GALNTL6: variants seen among roughly 807,000 people sequenced by gnomAD.
The protein encoded by GALNTL6 is polypeptide N-acetylgalactosaminyltransferase-like 6.
Under a neutral mutation model 73.7 loss-of-function variants are expected in GALNTL6, and 46 were observed. The observed-to-expected ratio is 0.62, with a 90% CI of 0.49 to 0.80. The LOEUF (loss-of-function observed/expected upper bound fraction) is 0.80. Ranked by LOEUF, GALNTL6 falls within the 30% of genes least tolerant of loss-of-function variation. The pLI is 0.00. For synonymous variants in GALNTL6, 259 were observed against 263.7 expected, an observed-to-expected ratio of 0.98 and a Z score of 0.17; for missense variants, 604 against 755.0, an observed-to-expected ratio of 0.80 and a Z score of 2.34.
At chr4:171,920,187 C>T (rs1737744301) in intron 2 of GALNTL6, among the ~76,000 whole-genome samples, 1 of 151,644 alleles carries the variant, frequency 6.6e-6, no homozygotes, top group African/African-American at 2.4e-5. Flanking sequence ...AATGAGAACA[C>T]ATGGACACAG....
In GALNTL6 at chr4:171,931,167, T is replaced by C. The variant is rs1384600872; in HGVS notation, c.138+116449T>C. ...TACACCTTGCCATTTAACAGTGTCT[T>C]ACACTTTTATTTCATTAGTAGTATT... On this transcript the variant is annotated intron_variant, in intron 2 of 12. Transcript: ENST00000506823. Among the ~76,000 whole-genome samples the C allele has an allele frequency of 3.9e-5, 6 of 152,202 alleles. No individual in the cohort carries two copies. The East Asian group carries it at 1.2e-3, about 29-fold the overall frequency.
Position 172,036,234 on chromosome 4 carries a change from A to T in GALNTL6, c.139-193422A>T, listed in dbSNP as rs151221831. 1.2e-4 allele frequency among the ~76,000 whole-genome samples: 18 copies of T among 152,200 alleles called. No individual in the cohort carries two copies. The East Asian group carries it at 3.5e-3, about 29-fold the overall frequency. On this transcript the variant is annotated intron_variant, in intron 2 of 12. Coordinates refer to ENST00000506823, the MANE Select transcript of GALNTL6 (RefSeq NM_001034845.3). ...AGTTTATAGAAAAAAAATGCAGGCT[A>T]TTTCTTTAACCCAAAGGTTTGGATT...
intron 5 of GALNTL6, among the ~76,000 whole-genome samples, chr4:172,439,632 G>A (rs539470252): frequency 3.3e-5 from 5 of 151,736 alleles, no homozygotes; most frequent in African/African-American, 1.2e-4. Flanking sequence ...AAATTTTTAT[G>A]TTCAACCCTG....
intron 5 of GALNTL6, among the ~76,000 whole-genome samples, chr4:172,794,905 T>C (rs1740183531): frequency 6.6e-6 from 1 of 152,220 alleles, no homozygotes; most frequent in African/African-American, 2.4e-5. Context: ...GGAAGAATAA[T>C]CTGAAACAAA....
At chr4:172,375,193 GT>G (rs1488778660) in intron 5 of GALNTL6, among the ~76,000 whole-genome samples, 2 of 152,130 alleles carry the variant, frequency 1.3e-5, no homozygotes, top group East Asian at 3.9e-4. Context: ...GCATAGTTGT[GT>G]ATTCTCCCTC....
chr4:172,818,848 T>C (rs1384306995), intron 7 of GALNTL6, among the ~76,000 whole-genome samples: 1 of 152,168 alleles, frequency 6.6e-6, no homozygotes, highest in East Asian at 1.9e-4. Flanking sequence ...CTGCCCGCCT[T>C]AGCCTCCCAA....
chr4:172,363,262 T>A (rs1742439117), intron 5 of GALNTL6, among the ~76,000 whole-genome samples: 1 of 152,176 alleles, frequency 6.6e-6, no homozygotes, highest in African/African-American at 2.4e-5. Context: ...GTTCCCTTCT[T>A]TCTGTGTTTT....
chr4:172,412,738 T>G, intron 5 of GALNTL6, among the ~76,000 whole-genome samples: 1 of 152,196 alleles, frequency 6.6e-6, no homozygotes, highest in East Asian at 1.9e-4. Flanking sequence ...CTTATGATTC[T>G]TAGAGACATC....
chr4:172,540,279 A>G (rs1264520264), intron 5 of GALNTL6, among the ~76,000 whole-genome samples: 1 of 151,742 alleles, frequency 6.6e-6, no homozygotes, highest in East Asian at 1.9e-4. Flanking sequence ...TGACCTCATT[A>G]TCCGCCCACC....
At chr4:172,001,458 T>C (rs1740669259) in intron 2 of GALNTL6, among the ~76,000 whole-genome samples, 1 of 152,110 alleles carries the variant, frequency 6.6e-6, no homozygotes, top group African/African-American at 2.4e-5. Context: ...CATGATAAAA[T>C]GAAAAGGAGA....
At chr4:171,902,513 T>C (rs899000347) in intron 2 of GALNTL6, among the ~76,000 whole-genome samples, 2 of 152,146 alleles carry the variant, frequency 1.3e-5, no homozygotes, top group Non-Finnish European at 2.9e-5. Flanking sequence ...GAATCAACAA[T>C]TGATGTTTTG....
At chr4:172,063,076 C>T (rs554459854) in intron 2 of GALNTL6, among the ~76,000 whole-genome samples, 2 of 152,256 alleles carry the variant, frequency 1.3e-5, no homozygotes, top group East Asian at 3.9e-4. Context: ...AGTTCTTGAG[C>T]GGCCAAAATT....
In GALNTL6 at chr4:172,800,240, G is replaced by A. The variant is rs189431736; in HGVS notation, c.554-9121G>A. ...AACACTTAAAAATGATTAAGAAGGC[G>A]AATTTTATATTACATGTATTTTACT... On this transcript the variant is annotated intron_variant, in intron 5 of 12. Coordinates refer to ENST00000506823, the MANE Select transcript of GALNTL6 (RefSeq NM_001034845.3). Among the ~76,000 whole-genome samples, 9 of 152,104 alleles carry A rather than the reference G, an allele frequency of 5.9e-5. 1 individual carries two copies. The highest frequency in any genetic ancestry group is 7.4e-5 in the Non-Finnish European group (5 of 67,988).
intron 2 of GALNTL6, among the ~76,000 whole-genome samples, chr4:171,979,281 T>A (rs1467487182): frequency 9.9e-5 from 15 of 152,212 alleles, no homozygotes; most frequent in Non-Finnish European, 1.6e-4. Context: ...TTTCCCATTC[T>A]ATAATCTTCA....
intron 2 of GALNTL6, among the ~76,000 whole-genome samples, chr4:171,942,755 C>A (rs1296013383): frequency 6.6e-6 from 1 of 152,170 alleles, no homozygotes; most frequent in Non-Finnish European, 1.5e-5. Flanking sequence ...ATATTGCAGA[C>A]AAGATATAGA....
At chr4:172,682,064 C>T (rs952512193) in intron 5 of GALNTL6, among the ~76,000 whole-genome samples, 24 of 152,126 alleles carry the variant, frequency 1.6e-4, no homozygotes, top group African/African-American at 5.3e-4. Flanking sequence ...TGTGTGACCA[C>T]GGGGAAATAA....
intron 5 of GALNTL6, among the ~76,000 whole-genome samples, chr4:172,627,061 C>T (rs1279451084): frequency 6.6e-6 from 1 of 152,078 alleles, no homozygotes; most frequent in Non-Finnish European, 1.5e-5. Context: ...AGTGGGCATA[C>T]TTGTCTTGTT....
intron 2 of GALNTL6, among the ~76,000 whole-genome samples, chr4:171,968,636 G>A (rs1027720575): frequency 6.6e-6 from 1 of 151,988 alleles, no homozygotes; most frequent in Non-Finnish European, 1.5e-5. Context: ...GACACTATTC[G>A]ACCCACCACA....
At chr4:172,515,598 G>A (rs1265669392) in intron 5 of GALNTL6, among the ~76,000 whole-genome samples, 4 of 152,268 alleles carry the variant, frequency 2.6e-5, no homozygotes, top group South Asian at 2.1e-4. Context: ...GTGCAGGAAA[G>A]AGGATTGAAC....
Sources: allele counts gnomAD v4.1 joint callset (sites outside exome capture counted in the v4.1 genomes callset), GRCh38; gene constraint gnomAD v4.1.1; transcripts MANE v1.5; gene names NCBI Gene and HGNC (gene_info 2026-07-23, HGNC 2026-07-21).